The following FREM2 variants were observed in gnomAD, a reference collection of about 807,000 sequenced individuals.
FREM2 encodes the protein FRAS1 related extracellular matrix 2.
A neutral mutation model predicts 219.9 loss-of-function variants in FREM2; 119 were observed. The ratio of observed to expected loss-of-function variants is 0.54; its 90% CI spans 0.47 to 0.63. The LOEUF is 0.63. FREM2 is among the 30% of genes least tolerant of loss of function. FREM2 has a pLI of 0.00. For synonymous variants in FREM2, 1,562 were observed against 1,522.8 expected (o/e 1.03, Z -0.60); for missense variants, 4,030 against 3,993.6 (o/e 1.01, Z -0.25).
chr13:38,743,794 A>G (rs2137783883), intron 2 of FREM2, among the ~76,000 whole-genome samples: 1 of 152,240 alleles, frequency 6.6e-6, no homozygotes, highest in East Asian at 1.9e-4. Flanking sequence ...TTCTCCCACT[A>G]TATTGTGAGC....
rs114853862 is a variant in FREM2, at chr13:38,688,977, G to C, written c.1633G>C (p.Val545Leu). ...RMVDGGGRHQ[V>L]QFLFPITLVP... ...GGTGGATGGAGGAGGCAGGCACCAG[G>C]TACAGTTTCTGTTCCCCATCACCTT... Residue 545 changes from valine to leucine, a missense_variant, in exon 1 of 24, where the codon GTA (valine) becomes CTA (leucine). By Grantham distance (32) the Val-to-Leu change is conservative. Around this residue, in one of 2 missense-constraint regions of FREM2, gnomAD observed 3,102 missense variants for 2,950.7 expected, o/e 1.05. Coordinates refer to ENST00000280481, the MANE Select transcript of FREM2 (RefSeq NM_207361.6). The C allele has an allele frequency of 1.4e-5, 22 of 1,613,856 alleles. No homozygotes were observed. In the East Asian group the frequency reaches 4.5e-4, roughly 33 times the overall value.
chr13:38,787,697 T>C (rs1874384177), intron 6 of FREM2, among the ~76,000 whole-genome samples: 1 of 149,014 alleles, frequency 6.7e-6, no homozygotes, highest in African/African-American at 2.4e-5. Flanking sequence ...TTAACTTATT[T>C]ATTATTTATT....
At chr13:38,824,207 CAT>C (rs2137880541) in intron 6 of FREM2, among the ~76,000 whole-genome samples, 1 of 152,056 alleles carries the variant, frequency 6.6e-6, no homozygotes, top group South Asian at 2.1e-4. Flanking sequence ...AGTTTTGTCA[CAT>C]AAAGTAGTAA....
At chr13:38,771,199 A>G (rs1207729002) in intron 4 of FREM2, among the ~76,000 whole-genome samples, 2 of 152,242 alleles carry the variant, frequency 1.3e-5, no homozygotes, top group Non-Finnish European at 2.9e-5. Flanking sequence ...TTATGTTTGT[A>G]ATTTTCATTA....
At chr13:38,856,055 A>C in intron 11 of FREM2, 71 bp from the exon 12 acceptor site, 2 of 1,100,902 alleles carry the variant, frequency 1.8e-6, no homozygotes, top group Admixed American at 2.5e-5. Flanking sequence ...TAAAAAAAAA[A>C]AAAAAAAAAA....
chr13:38,774,789 C>G (rs1417628050), intron 4 of FREM2, among the ~76,000 whole-genome samples: 1 of 152,082 alleles, frequency 6.6e-6, no homozygotes, highest in Non-Finnish European at 1.5e-5. Context: ...TGGGAGAAAA[C>G]AACCTCAAAT....
At chr13:38,729,318 C>A (rs1219745335) in intron 2 of FREM2, among the ~76,000 whole-genome samples, 1 of 151,980 alleles carries the variant, frequency 6.6e-6, no homozygotes, top group African/African-American at 2.4e-5. Context: ...TTTTCTTTTG[C>A]TGAATGATTT....
chr13:38,827,639 G>T (rs552606668), intron 6 of FREM2: 6 of 152,130 alleles, frequency 3.9e-5, no homozygotes, highest in African/African-American at 7.2e-5. Flanking sequence ...TGGAAGAAGT[G>T]TGAGAAGGCA....
intron 2 of FREM2, among the ~76,000 whole-genome samples, chr13:38,731,369 C>T (rs1871761828): frequency 6.6e-6 from 1 of 152,058 alleles, no homozygotes; most frequent in African/African-American, 2.4e-5. Context: ...TTGGGGATTC[C>T]TTGAGTTATA....
At chr13:38,769,124 T>A (rs970267223) in intron 3 of FREM2, among the ~76,000 whole-genome samples, 4 of 152,218 alleles carry the variant, frequency 2.6e-5, no homozygotes, top group Non-Finnish European at 4.4e-5. Flanking sequence ...ACTTAGATTG[T>A]GAGTCAGAGA....
chr13:38,716,637 A>G (rs1871013345), intron 2 of FREM2, among the ~76,000 whole-genome samples: 1 of 152,058 alleles, frequency 6.6e-6, no homozygotes, highest in Admixed American at 6.6e-5. Flanking sequence ...CCTCCCAAGT[A>G]GCTGGGATTA....
At position 38,689,306 on chromosome 13, in the gene FREM2, C is replaced by T. The variant is rs764816586; in HGVS notation, c.1962C>T (p.Phe654=). ...AGGACATAACAGAGGGCAGGCTGTTCTATAGACACTCTGGGCCCCATAGTC... is the reference window on the plus strand; with the variant it reads ...AGGACATAACAGAGGGCAGGCTGTTTTATAGACACTCTGGGCCCCATAGTC... ...QQQDITEGRL[F]YRHSGPHSPG... Residue 654 remains phenylalanine, a synonymous_variant, in exon 1 of 24, where the codon TTC becomes TTT. Coordinates refer to ENST00000280481, the MANE Select transcript of FREM2 (RefSeq NM_207361.6). The T allele has an allele frequency of 1.2e-6, 2 of 1,613,976 alleles. No homozygotes were observed. Among genetic ancestry groups the T allele is most frequent in the East Asian group, 4.5e-5 (2 of 44,878 alleles).
intron 4 of FREM2, among the ~76,000 whole-genome samples, chr13:38,775,372 C>A (rs1232211035): frequency 6.6e-6 from 1 of 152,172 alleles, no homozygotes; most frequent in Non-Finnish European, 1.5e-5. Flanking sequence ...AGAGCTTCAA[C>A]TTCAGTGAGA....
At chr13:38,868,492 C>T (rs1878049067) in intron 16 of FREM2, among the ~76,000 whole-genome samples, 1 of 152,180 alleles carries the variant, frequency 6.6e-6, no homozygotes, top group South Asian at 2.1e-4. Context: ...CATCATAATG[C>T]TTATCTGGGC....
intron 6 of FREM2, among the ~76,000 whole-genome samples, chr13:38,823,088 C>T (rs894227379): frequency 3.9e-5 from 6 of 152,008 alleles, no homozygotes; most frequent in Admixed American, 6.6e-5. Flanking sequence ...GTTTTATTCC[C>T]GCTTATCCCT....
intron 20 of FREM2, 40 bp downstream of exon 20, chr13:38,876,422 C>T (rs1370569193): frequency 6.4e-7 from 1 of 1,572,558 alleles, no homozygotes; most frequent in East Asian, 2.2e-5. Context: ...CTTGCAGAAT[C>T]CCACTTTGTT....
At chr13:38,706,568 A>G (rs369011195) in intron 2 of FREM2, among the ~76,000 whole-genome samples, 1 of 152,166 alleles carries the variant, frequency 6.6e-6, no homozygotes, top group East Asian at 1.9e-4. Context: ...TACTCCTAAC[A>G]AGTTCCTTCA....
At chr13:38,840,357 C>T (rs1037511795) in intron 6 of FREM2, among the ~76,000 whole-genome samples, 7 of 151,298 alleles carry the variant, frequency 4.6e-5, no homozygotes, top group East Asian at 2.0e-4. Flanking sequence ...CTGCCTTCTG[C>T]GTTGGCCTTG....
chr13:38,856,711 C>T (rs1463770704), intron 12 of FREM2, among the ~76,000 whole-genome samples: 4 of 136,300 alleles, frequency 2.9e-5, no homozygotes, highest in African/African-American at 1.3e-4. Flanking sequence ...ATTTGATGTC[C>T]ACAGCCTCAT....
Sources: gnomAD v4.1 joint callset for allele counts (sites outside exome capture counted in the v4.1 genomes callset) on GRCh38, gnomAD v4.1.1 for gene constraint, gnomAD v4.1.1 regional missense constraint, MANE v1.5 for transcripts, NCBI Gene and HGNC (gene_info 2026-07-23, HGNC 2026-07-21) for gene names.